The following STX2 variants were observed in gnomAD, a reference collection of about 807,000 sequenced individuals.
The protein encoded by STX2 is syntaxin 2.
A neutral mutation model predicts 40.6 loss-of-function variants in STX2; 27 were observed. The observed-to-expected ratio is 0.66, with a 90% CI of 0.49 to 0.92. STX2 has a LOEUF of 0.92. Ranked by LOEUF, STX2 falls within the 40% of genes least tolerant of loss-of-function variation. The pLI is 0.00. For missense variants in STX2, 328 were observed against 366.1 expected, an observed-to-expected ratio of 0.90 and a Z score of 0.85; for synonymous variants, 123 against 119.1, an observed-to-expected ratio of 1.03 and a Z score of -0.22.
At chr12:130,805,635 A>G (rs4759787) in intron 6 of STX2, among the ~76,000 whole-genome samples, 10,355 of 152,128 alleles carry the variant, frequency 0.068, 427 homozygotes, top group Non-Finnish European at 0.093. Flanking sequence ...GAAGGGTCTT[A>G]CCTCAGGAGT....
chr12:130,791,136 T>C lies in STX2; in HGVS notation c.*887A>G, dbSNP rs936629656. On this transcript the variant is annotated 3_prime_UTR_variant, in exon 11 of 11. Coordinates refer to ENST00000392373, the MANE Select transcript of STX2 (RefSeq NM_194356.4). ...CAAAAACGTGATAAAAATTATTTCT[T>C]CAAACAGGCAATAAAACAGTATAAA... 6.6e-6 allele frequency: 1 copy of C among 152,132 alleles called. No individual in the cohort carries two copies. The highest frequency in any genetic ancestry group is 1.5e-5 in the Non-Finnish European group (1 of 68,006). The allele number at this position is 152,132 out of a possible 1,614,324, so 9.4% of individuals were successfully genotyped here. A position where few individuals can be genotyped will look rare whatever the true frequency, so the allele number is the denominator to read the frequency against.
intron 3 of STX2, among the ~76,000 whole-genome samples, chr12:130,821,284 T>A (rs560966509): frequency 2.8e-4 from 43 of 152,098 alleles, no homozygotes; most frequent in Admixed American, 2.4e-3. Context: ...ACTTTCAGAG[T>A]CGCCTCAGTG....
chr12:130,834,019 TG>T (rs1952670763), intron 1 of STX2, among the ~76,000 whole-genome samples: 1 of 152,074 alleles, frequency 6.6e-6, no homozygotes, highest in South Asian at 2.1e-4. Flanking sequence ...CAAGACAAGA[TG>T]GGCCATCTGT....
chr12:130,832,899 G>T (rs1481772068), intron 1 of STX2, among the ~76,000 whole-genome samples: 1 of 152,160 alleles, frequency 6.6e-6, no homozygotes, highest in Non-Finnish European at 1.5e-5. Context: ...GTCCACAGCC[G>T]CTTTCTTATC....
At chr12:130,818,185 A>AAAAAAAAAAAAATATATAT in intron 3 of STX2, among the ~76,000 whole-genome samples, 1 of 70,588 alleles carries the variant, frequency 1.4e-5, no homozygotes, top group African/African-American at 1.2e-4. Context: ...AAAAAAAAAA[A>AAAAAAAAAAAAATATATAT]ATATATATAT....
intron 1 of STX2, among the ~76,000 whole-genome samples, chr12:130,834,368 A>AG (rs1375579979): frequency 1.3e-5 from 2 of 151,808 alleles, no homozygotes; most frequent in Admixed American, 6.6e-5. Context: ...AAAAAAAAAA[A>AG]AAAAAAAAAG....
chr12:130,830,759 T>C (rs1952529027), intron 1 of STX2, among the ~76,000 whole-genome samples: 1 of 152,214 alleles, frequency 6.6e-6, no homozygotes, highest in South Asian at 2.1e-4. Context: ...TTGTCTTCAA[T>C]GAATGTCCAT....
chr12:130,800,502 CT>C (rs1371420566), intron 8 of STX2, among the ~76,000 whole-genome samples: 1 of 152,202 alleles, frequency 6.6e-6, no homozygotes, highest in Non-Finnish European at 1.5e-5. Context: ...CCTGCTTTCA[CT>C]CCCTATCTGT....
intron 6 of STX2, among the ~76,000 whole-genome samples, chr12:130,804,727 C>T (rs1322285129): frequency 2.0e-5 from 3 of 151,400 alleles, no homozygotes; most frequent in Non-Finnish European, 2.9e-5. Context: ...CTGCTCACTT[C>T]GGAATAGCCA....
In STX2 at chr12:130,821,684, C is replaced by T. The variant is rs775227221; in HGVS notation, c.205+5G>A. The stretch of plus-strand genomic sequence containing the variant: ...AACGTTTTGTTGTGAAAACCAACAA[C>T]TTACTTCCTTCCGGGTTTGGTGCAG... On this transcript the variant is annotated splice_donor_5th_base_variant and intron_variant, in intron 3 of 10. Transcript: ENST00000392373. The T allele has an allele frequency of 1.2e-6, 2 of 1,612,496 alleles. No homozygotes were observed. Among genetic ancestry groups the T allele is most frequent in the Non-Finnish European group, 1.7e-6 (2 of 1,178,472 alleles).
At chr12:130,811,857 G>A (rs532831082) in intron 4 of STX2, among the ~76,000 whole-genome samples, 1 of 152,176 alleles carries the variant, frequency 6.6e-6, no homozygotes, top group South Asian at 2.1e-4. Flanking sequence ...ACATCTTAAC[G>A]TAACCATGAG....
chr12:130,803,992 C>G (rs775119297), intron 6 of STX2, among the ~76,000 whole-genome samples: 2 of 152,208 alleles, frequency 1.3e-5, no homozygotes, highest in Non-Finnish European at 2.9e-5. Flanking sequence ...TGCCTGATTA[C>G]AGGGTGCAGT....
chr12:130,794,985 G>A lies in STX2; in HGVS notation c.*45+1010C>T, dbSNP rs12424704. On this transcript the variant is annotated intron_variant, in intron 10 of 10. Coordinates refer to ENST00000392373, the MANE Select transcript of STX2 (RefSeq NM_194356.4). ...ACACACCGACAGCATTGCCACTTCAGGGCCAGTGCAAGGATGGCTCCCAAT... is the reference window on the plus strand; with the variant it reads ...ACACACCGACAGCATTGCCACTTCAAGGCCAGTGCAAGGATGGCTCCCAAT... 4.0e-3 allele frequency among the ~76,000 whole-genome samples: 615 copies of A among 152,268 alleles called. 16 individuals carry two copies. The highest frequency in any genetic ancestry group is 0.037 in the Admixed American group (564 of 15,290).
chr12:130,839,187 G>A lies in STX2; in HGVS notation c.-88C>T, dbSNP rs1459632388. 3.7e-6 allele frequency: 4 copies of A among 1,092,120 alleles called. No individual in the cohort carries two copies. The highest frequency in any genetic ancestry group is 1.7e-5 in the African/African-American group (1 of 59,776). The allele number at this position is 1,092,120 out of a possible 1,614,324, so 67.7% of individuals were successfully genotyped here. ...CTCGGGCTCTCCGGTCTCCGCCTCA[G>A]GCCCCGCGGTCCCGGCCCGGCGCCA... On this transcript the variant is annotated 5_prime_UTR_variant, in exon 1 of 11. Transcript: ENST00000392373.
chr12:130,821,953 T>C (rs997055866), intron 2 of STX2, among the ~76,000 whole-genome samples, 165 bp from the exon 3 acceptor site: 3 of 152,148 alleles, frequency 2.0e-5, no homozygotes, highest in African/African-American at 7.2e-5. Flanking sequence ...AAAATAAAGA[T>C]ATATCCTATG....
chr12:130,821,514 A>T (rs991746196), intron 3 of STX2, among the ~76,000 whole-genome samples, 175 bp downstream of exon 3: 1 of 152,118 alleles, frequency 6.6e-6, no homozygotes, highest in African/African-American at 2.4e-5. Flanking sequence ...AGAAAAAAAA[A>T]ACATACAGAT....
At chr12:130,810,983 G>C (rs1951626084) in intron 4 of STX2, 1 of 152,088 alleles carries the variant, frequency 6.6e-6, no homozygotes, top group African/African-American at 2.4e-5. Context: ...ATTTACTGTG[G>C]GCTCATAGTT....
intron 1 of STX2, 41 bp downstream of exon 1, chr12:130,839,029 C>A (rs1952833168): frequency 7.6e-7 from 1 of 1,324,378 alleles, no homozygotes; most frequent in Non-Finnish European, 9.6e-7. Flanking sequence ...CCAGACGCCG[C>A]CCCGGCCGGG....
At chr12:130,802,125 T>C (rs1427633135) in intron 6 of STX2, among the ~76,000 whole-genome samples, 1 of 152,238 alleles carries the variant, frequency 6.6e-6, no homozygotes, top group Non-Finnish European at 1.5e-5. Context: ...CCCCGATGCC[T>C]GAAGGAGCTA....
Sources: allele counts gnomAD v4.1 joint callset (sites outside exome capture counted in the v4.1 genomes callset), GRCh38; gene constraint gnomAD v4.1.1; transcripts MANE v1.5; gene names NCBI Gene and HGNC (gene_info 2026-07-23, HGNC 2026-07-21).